MBOAT1: variants seen among roughly 807,000 people sequenced by gnomAD.
The protein encoded by MBOAT1 is membrane bound glycerophospholipid O-acyltransferase 1, also known as membrane-bound glycerophospholipid O-acyltransferase 1.
MBOAT1 carries 67 observed loss-of-function variants against 64.4 expected under a neutral mutation model. That is an observed-to-expected ratio of 1.04 (90% CI 0.85 to 1.27). The LOEUF (loss-of-function observed/expected upper bound fraction) is 1.27. MBOAT1 is among the 50% of genes most tolerant of loss of function. MBOAT1 has a pLI of 0.00. For synonymous variants in MBOAT1, 229 were observed against 218.9 expected (o/e 1.05, Z -0.41); for missense variants, 563 against 604.6 (o/e 0.93, Z 0.72).
rs374834231 is a variant in MBOAT1, at chr6:20,102,093, C to T, written c.*193G>A. On this transcript the variant is annotated 3_prime_UTR_variant, in exon 13 of 13. Coordinates refer to ENST00000324607, the MANE Select transcript of MBOAT1 (RefSeq NM_001080480.3). ...TCCCGCCACTGCACTCCAGCCTGGG[C>T]GACAGAGCGAGACTCCGTCTCAAAA... is the stretch of plus-strand genomic sequence containing the variant. 25 of 304,438 alleles carry T rather than the reference C, an allele frequency of 8.2e-5. No individual in the cohort carries two copies. The East Asian group carries it at 1.3e-3, about 15-fold the overall frequency. The allele number at this position is 304,438 out of a possible 1,614,324, so 18.9% of individuals were successfully genotyped here.
At chr6:20,124,641 C>G in intron 7 of MBOAT1, 41 bp from the exon 8 acceptor site, 1 of 1,597,074 alleles carries the variant, frequency 6.3e-7, no homozygotes, top group African/African-American at 1.3e-5. Context: ...GCAGAAGGCT[C>G]AGGTATGAAG....
rs1759815600 is a variant in MBOAT1, at chr6:20,102,140, A to G, written c.*146T>C. 1 of 437,578 alleles carries G rather than the reference A, an allele frequency of 2.3e-6. No individual in the cohort carries two copies. The allele number at this position is 437,578 out of a possible 1,614,324, so 27.1% of individuals were successfully genotyped here. Reference sequence around the variant, plus strand: ...AAAAAAAAAAAAAAAAAAAAAAAAAAAAAAATACTCCCTGCACTTTAAAAA... The same window carrying G: ...AAAAAAAAAAAAAAAAAAAAAAAAAGAAAAATACTCCCTGCACTTTAAAAA... On this transcript the variant is annotated 3_prime_UTR_variant, in exon 13 of 13. Transcript: ENST00000324607.
intron 9 of MBOAT1, among the ~76,000 whole-genome samples, chr6:20,117,574 C>A (rs1760365288): frequency 6.6e-6 from 1 of 152,236 alleles, no homozygotes. Flanking sequence ...CCCATGCCTC[C>A]TTCTGGCCTA....
chr6:20,139,598 A>G (rs1461915839), intron 4 of MBOAT1, among the ~76,000 whole-genome samples: 7 of 114,166 alleles, frequency 6.1e-5, no homozygotes, highest in Admixed American at 2.6e-4. Context: ...TCTGTTGCCC[A>G]GGTGGAGTAC....
intron 1 of MBOAT1, among the ~76,000 whole-genome samples, chr6:20,166,791 T>C (rs1213029349): frequency 2.0e-5 from 3 of 151,684 alleles, no homozygotes; most frequent in Admixed American, 6.6e-5. Flanking sequence ...TTTAAAAAAT[T>C]ACCCAAGCAT....
At position 20,212,329 on chromosome 6, in the gene MBOAT1, G is replaced by C. The variant is rs1402637729; in HGVS notation, c.-95C>G. On this transcript the variant is annotated 5_prime_UTR_variant, in exon 1 of 13. Transcript: ENST00000324607. ...GGGTGCTCTTGGGTGGTTGCCCCGA[G>C]AGGCGCACGGCCGCCTGGTTCGCGG... 2 of 1,148,338 alleles carry C rather than the reference G, an allele frequency of 1.7e-6. No individual in the cohort carries two copies. The highest frequency in any genetic ancestry group is 2.5e-5 in the East Asian group (1 of 39,312). The allele number at this position is 1,148,338 out of a possible 1,614,324, so 71.1% of individuals were successfully genotyped here.
chr6:20,210,358 G>A (rs1364818020), intron 1 of MBOAT1, among the ~76,000 whole-genome samples: 2 of 152,220 alleles, frequency 1.3e-5, no homozygotes, highest in African/African-American at 2.4e-5. Context: ...TTCCAAACTC[G>A]CAAGCCACAA....
intron 1 of MBOAT1, among the ~76,000 whole-genome samples, chr6:20,203,717 G>A (rs548110146): frequency 1.3e-5 from 2 of 151,836 alleles, no homozygotes; most frequent in African/African-American, 4.8e-5. Flanking sequence ...TCCTGCACCA[G>A]GCCCCAACAG....
intron 11 of MBOAT1, among the ~76,000 whole-genome samples, chr6:20,111,849 TATATATATAC>T (rs1381599355): frequency 7.5e-5 from 6 of 80,232 alleles, no homozygotes; most frequent in African/African-American, 2.3e-4. Flanking sequence ...TATATATACA[TATATATATAC>T]ATATATATAC....
chr6:20,165,787 G>A (rs564298302), intron 1 of MBOAT1, among the ~76,000 whole-genome samples: 2 of 151,548 alleles, frequency 1.3e-5, no homozygotes, highest in African/African-American at 4.8e-5. Flanking sequence ...GTTAGAATAG[G>A]TAAAAGTCAT....
rs147216709 is a variant in MBOAT1 at position 20,179,412 on chromosome 6, G to C, written c.100-26643C>G. Among the ~76,000 whole-genome samples the C allele has an allele frequency of 4.2e-3, 644 of 152,198 alleles. 5 individuals carry two copies. The highest frequency in any genetic ancestry group is 0.015 in the African/African-American group (617 of 41,526). ...TATAAGTGAAAACATGCAATATTTG[G>C]TTTTCTGTTCCTGCATTAGTTTGCC... On this transcript the variant is annotated intron_variant, in intron 1 of 12. Coordinates refer to ENST00000324607, the MANE Select transcript of MBOAT1 (RefSeq NM_001080480.3).
chr6:20,152,091 C>T (rs1302167021), intron 2 of MBOAT1, among the ~76,000 whole-genome samples: 5 of 151,908 alleles, frequency 3.3e-5, no homozygotes, highest in African/African-American at 4.8e-5. Context: ...GAGGCCAAGG[C>T]GGATGGATCG....
rs1363763037 is a variant in MBOAT1 at position 20,212,299 on chromosome 6, C to A, written c.-65G>T. On this transcript the variant is annotated 5_prime_UTR_variant, in exon 1 of 13. Transcript: ENST00000324607. ...CAACACCCCCTGCTCGGCGTCCTCC[C>A]GCCCGGGTGCTCTTGGGTGGTTGCC... 1.2e-5 allele frequency: 18 copies of A among 1,475,500 alleles called. No homozygotes were observed. The Middle Eastern group carries it at 7.1e-4, about 58-fold the overall frequency. The allele number at this position is 1,475,500 out of a possible 1,614,324, so 91.4% of individuals were successfully genotyped here.
chr6:20,193,668 A>G (rs2113759749), intron 1 of MBOAT1, among the ~76,000 whole-genome samples: 1 of 146,660 alleles, frequency 6.8e-6, no homozygotes, highest in South Asian at 2.1e-4. Context: ...GTGCAGTGGC[A>G]CAATCTCTGC....
chr6:20,123,152 A>T (rs893128823), intron 8 of MBOAT1, among the ~76,000 whole-genome samples: 14 of 128,916 alleles, frequency 1.1e-4, no homozygotes, highest in African/African-American at 2.8e-4. Context: ...ATTTTTTTTA[A>T]AAAAAAAGTA....
intron 1 of MBOAT1, among the ~76,000 whole-genome samples, chr6:20,181,024 C>T (rs766984657): frequency 2.6e-5 from 4 of 152,154 alleles, no homozygotes; most frequent in Non-Finnish European, 5.9e-5. Context: ...TTACCTTGAG[C>T]CAATCAGTTT....
chr6:20,108,060 C>A (rs1312529499), intron 12 of MBOAT1, among the ~76,000 whole-genome samples: 6 of 152,188 alleles, frequency 3.9e-5, no homozygotes, highest in African/African-American at 1.4e-4. Flanking sequence ...AGAATGCTGG[C>A]TTGGGGATAC....
rs199781315 is a variant in MBOAT1 at position 20,115,263 on chromosome 6, A to C, written c.1076+25T>G. 1,349 of 1,586,358 alleles carry C rather than the reference A, an allele frequency of 8.5e-4. 22 individuals carry two copies. Among genetic ancestry groups the C allele is most frequent in the Admixed American group, 1.5e-4 (9 of 59,972 alleles). ...TGAACATATCCCAGTGCCCTAAGTAATGAGGTCGTTTTTGTTTTTCTTACC... is the reference window on the plus strand; with the variant it reads ...TGAACATATCCCAGTGCCCTAAGTACTGAGGTCGTTTTTGTTTTTCTTACC... On this transcript the variant is annotated intron_variant, in intron 10 of 12. Coordinates refer to ENST00000324607, the MANE Select transcript of MBOAT1 (RefSeq NM_001080480.3).
chr6:20,189,624 T>C (rs968691040), intron 1 of MBOAT1, among the ~76,000 whole-genome samples: 8 of 152,242 alleles, frequency 5.3e-5, no homozygotes, highest in African/African-American at 1.7e-4. Flanking sequence ...TGTTGTACAA[T>C]AGATCACTTG....
Sources: gnomAD v4.1 joint callset for allele counts (sites outside exome capture counted in the v4.1 genomes callset) on GRCh38, gnomAD v4.1.1 for gene constraint, MANE v1.5 for transcripts, NCBI Gene and HGNC (gene_info 2026-07-23, HGNC 2026-07-21) for gene names.